FER: variants seen among roughly 807,000 people sequenced by gnomAD.
FER encodes the protein tyrosine-protein kinase Fer.
A neutral mutation model predicts 111.0 loss-of-function variants in FER; 63 were observed. That is an observed-to-expected ratio of 0.57 (90% CI 0.46 to 0.70). The LOEUF is 0.70. Ranked by LOEUF, FER falls within the 30% of genes least tolerant of loss-of-function variation. The pLI is 0.00. For synonymous variants in FER, 327 were observed against 313.9 expected, an observed-to-expected ratio of 1.04 and a Z score of -0.44; for missense variants, 914 against 954.0, an observed-to-expected ratio of 0.96 and a Z score of 0.55.
chr5:108,918,709 G>A (rs1010179392), intron 10 of FER, among the ~76,000 whole-genome samples: 1 of 151,646 alleles, frequency 6.6e-6, no homozygotes, highest in African/African-American at 2.4e-5. Context: ...GGATGGTCTC[G>A]ATCTCCTGAC....
intron 3 of FER, among the ~76,000 whole-genome samples, chr5:108,807,104 A>AATGAGTCTCATGAGATCTG (rs1373350689): frequency 2.6e-5 from 4 of 152,126 alleles, no homozygotes; most frequent in Admixed American, 2.6e-4. Flanking sequence ...CATGTTAGTG[A>AATGAGTCTCATGAGATCTG]ATGAGTCTCA....
intron 5 of FER, among the ~76,000 whole-genome samples, chr5:108,857,599 A>G (rs1479601146): frequency 2.0e-5 from 3 of 152,262 alleles, no homozygotes; most frequent in East Asian, 1.9e-4. Context: ...ATGTCTATCA[A>G]TGGTTCCTGC....
At chr5:109,150,466 A>T (rs1167011974) in intron 17 of FER, among the ~76,000 whole-genome samples, 2 of 152,062 alleles carry the variant, frequency 1.3e-5, no homozygotes, top group African/African-American at 2.4e-5. Flanking sequence ...TTACTCTCTC[A>T]TAGCACTTAC....
At chr5:108,876,494 G>A (rs537509794) in intron 8 of FER, among the ~76,000 whole-genome samples, 108 of 152,214 alleles carry the variant, frequency 7.1e-4, no homozygotes, top group Non-Finnish European at 1.3e-3. Flanking sequence ...GTATACTGTG[G>A]CATCTTATTT....
intron 1 of FER, among the ~76,000 whole-genome samples, chr5:108,767,702 G>C (rs1752475020): frequency 6.6e-6 from 1 of 152,156 alleles, no homozygotes; most frequent in African/African-American, 2.4e-5. Flanking sequence ...GGCTGGCCTC[G>C]AACTCCTGTA....
chr5:109,161,676 A>G (rs139949238), intron 17 of FER, among the ~76,000 whole-genome samples: 325 of 152,116 alleles, frequency 2.1e-3, no homozygotes, highest in South Asian at 9.3e-3. Flanking sequence ...TATCTTTGCT[A>G]TTGTGAATAG....
intron 13 of FER, among the ~76,000 whole-genome samples, chr5:109,015,484 G>T (rs1766955056): frequency 6.6e-6 from 1 of 151,840 alleles, no homozygotes; most frequent in Non-Finnish European, 1.5e-5. Flanking sequence ...TTATGTGACA[G>T]CTTCTTGATA....
rs948897975 is a variant in FER, at chr5:109,192,311, T to C, written c.*4736T>C. ...TAAAGTGAAACAAAGATTTGGACAG[T>C]GTCATTAGGAAGCCTGAGGAGAACA... On this transcript the variant is annotated 3_prime_UTR_variant, in exon 20 of 20. Transcript: ENST00000281092. 2.0e-5 allele frequency: 3 copies of C among 152,110 alleles called. No homozygotes were observed. The highest frequency in any genetic ancestry group is 7.2e-5 in the African/African-American group (3 of 41,402). The allele number at this position is 152,110 out of a possible 1,614,324, so 9.4% of individuals were successfully genotyped here. A position where few individuals can be genotyped will look rare whatever the true frequency, so the allele number is the denominator to read the frequency against.
chr5:109,161,441 G>A (rs1317226606), intron 17 of FER, among the ~76,000 whole-genome samples: 1 of 151,996 alleles, frequency 6.6e-6, no homozygotes, highest in Non-Finnish European at 1.5e-5. Flanking sequence ...AAGCCCAAGT[G>A]TGTATTGTTC....
At chr5:108,989,416 A>G (rs1387955870) in intron 13 of FER, among the ~76,000 whole-genome samples, 2 of 152,082 alleles carry the variant, frequency 1.3e-5, no homozygotes, top group Non-Finnish European at 2.9e-5. Flanking sequence ...AGAAATAAAT[A>G]TTAAGAAATA....
At chr5:108,788,099 G>A (rs926324570) in intron 2 of FER, among the ~76,000 whole-genome samples, 3 of 152,202 alleles carry the variant, frequency 2.0e-5, no homozygotes, top group African/African-American at 7.2e-5. Flanking sequence ...CCAGGACTGT[G>A]ACATGCTGTA....
At chr5:108,858,546 CT>C (rs1301950760) in intron 5 of FER, among the ~76,000 whole-genome samples, 1 of 152,158 alleles carries the variant, frequency 6.6e-6, no homozygotes, top group South Asian at 2.1e-4. Context: ...ATTTTCCCCC[CT>C]CCCTCTTATC....
chr5:109,122,316 C>T (rs939303458), intron 17 of FER, among the ~76,000 whole-genome samples: 2 of 151,886 alleles, frequency 1.3e-5, no homozygotes, highest in Non-Finnish European at 2.9e-5. Flanking sequence ...TTCTTAATTT[C>T]TTCATTGATT....
intron 16 of FER, among the ~76,000 whole-genome samples, chr5:109,057,319 G>A (rs747853171): frequency 2.0e-5 from 3 of 152,088 alleles, no homozygotes; most frequent in African/African-American, 7.2e-5. Context: ...CAAAAACAGG[G>A]AATAGTGATA....
chr5:109,036,468 A>G (rs528354598), intron 13 of FER, among the ~76,000 whole-genome samples: 7 of 152,192 alleles, frequency 4.6e-5, no homozygotes, highest in Non-Finnish European at 8.8e-5. Context: ...TTACTTCAAG[A>G]TGTCTGATTA....
At chr5:109,067,739 A>T (rs998320757) in intron 16 of FER, among the ~76,000 whole-genome samples, 7 of 151,892 alleles carry the variant, frequency 4.6e-5, no homozygotes, top group African/African-American at 1.7e-4. Flanking sequence ...GTTAAATTCT[A>T]CTCTCTTGAA....
At chr5:109,149,766 C>A (rs1754618018) in intron 17 of FER, among the ~76,000 whole-genome samples, 1 of 152,090 alleles carries the variant, frequency 6.6e-6, no homozygotes, top group African/African-American at 2.4e-5. Flanking sequence ...AATAAAATTT[C>A]CAGGAACAGT....
At chr5:108,948,068 C>A (rs905964286) in intron 11 of FER, among the ~76,000 whole-genome samples, 1 of 151,738 alleles carries the variant, frequency 6.6e-6, no homozygotes, top group African/African-American at 2.4e-5. Flanking sequence ...ACTGTTTATG[C>A]AAATAAACAT....
intron 8 of FER, among the ~76,000 whole-genome samples, chr5:108,881,158 C>G (rs1326231321): frequency 6.6e-6 from 1 of 152,132 alleles, no homozygotes; most frequent in Admixed American, 6.6e-5. Flanking sequence ...ACACATACCA[C>G]ATAAATATAT....
Sources: gnomAD v4.1 joint callset for allele counts (sites outside exome capture counted in the v4.1 genomes callset) on GRCh38, gnomAD v4.1.1 for gene constraint, MANE v1.5 for transcripts, NCBI Gene and HGNC (gene_info 2026-07-23, HGNC 2026-07-21) for gene names.